The following MTMR12 variants were observed in gnomAD, a reference collection of about 807,000 sequenced individuals.
The protein encoded by MTMR12 is myotubularin-related protein 12.
A neutral mutation model predicts 96.7 loss-of-function variants in MTMR12; 33 were observed. That is an observed-to-expected ratio of 0.34 (90% confidence interval 0.26 to 0.46). MTMR12 has a LOEUF of 0.46. MTMR12 is among the 20% of genes least tolerant of loss of function. MTMR12 has a pLI of 1.00. For synonymous variants in MTMR12, 298 were observed against 327.2 expected (o/e 0.91, Z 0.96); for missense variants, 721 against 896.1 (o/e 0.80, Z 2.49).
At chr5:32,247,874 G>C in intron 10 of MTMR12, 128 bp downstream of exon 10, 1 of 1,399,464 alleles carries the variant, frequency 7.1e-7, no homozygotes, top group Admixed American at 2.4e-5. Flanking sequence ...CTGGCTCCAT[G>C]ACATCACAGC....
chr5:32,229,669 G>T lies in MTMR12; in HGVS notation c.*109C>A. ...CCGAAGGCCCAGGTTTATTCTAACG[G>T]AGTGCCGGGCTAAGGACCCAGCCAG... is the stretch of plus-strand genomic sequence containing the variant. On this transcript the variant is annotated 3_prime_UTR_variant, in exon 16 of 16. Transcript: ENST00000382142. 1 of 1,053,428 alleles carries T rather than the reference G, an allele frequency of 9.5e-7. No homozygotes were observed. Among genetic ancestry groups the T allele is most frequent in the Non-Finnish European group, 1.3e-6 (1 of 771,714 alleles). The allele number at this position is 1,053,428 out of a possible 1,614,324, so 65.3% of individuals were successfully genotyped here.
intron 10 of MTMR12, 160 bp downstream of exon 10, chr5:32,247,842 T>G: frequency 1.0e-6 from 1 of 967,474 alleles, no homozygotes; most frequent in Non-Finnish European, 1.2e-6. Context: ...GAGAGGGAAG[T>G]GTGGTAATGG....
intron 6 of MTMR12, among the ~76,000 whole-genome samples, chr5:32,267,846 T>G (rs1440142962): frequency 6.6e-6 from 1 of 152,166 alleles, no homozygotes; most frequent in Admixed American, 6.5e-5. Context: ...TTCCTTTTCT[T>G]TTTTTTGAGA....
intron 8 of MTMR12, among the ~76,000 whole-genome samples, chr5:32,254,185 G>A (rs1749054822): frequency 1.3e-5 from 2 of 152,168 alleles, no homozygotes; most frequent in African/African-American, 4.8e-5. Flanking sequence ...TAAAGCATCC[G>A]TTTTCGAAGT....
intron 1 of MTMR12, among the ~76,000 whole-genome samples, chr5:32,278,656 T>C (rs1211210394): frequency 1.3e-5 from 2 of 152,212 alleles, no homozygotes; most frequent in South Asian, 2.1e-4. Flanking sequence ...TGCGGACTTA[T>C]AGTGCAGGGA....
chr5:32,229,850 G>A lies in MTMR12; in HGVS notation c.2172C>T (p.Gly724=), dbSNP rs747607740. 1.2e-6 allele frequency: 2 copies of A among 1,600,946 alleles called. No homozygotes were observed. Among genetic ancestry groups the A allele is most frequent in the Admixed American group, 1.8e-5 (1 of 56,986 alleles). ...CGTCTTCATCTCCCAAAGCTTTCCA[G>A]CCACTGGTGGGTAAGACGGGCTTAG... ...HSSKPVLPTS[G]WKALGDEDDL... is the part of the protein sequence containing the mutation. The change falls in exon 16 of 16, where the codon GGC becomes GGT. Residue 724 remains glycine (G), a synonymous_variant. Transcript: ENST00000382142.
chr5:32,262,474 G>A (rs761106938), intron 7 of MTMR12, among the ~76,000 whole-genome samples: 5 of 151,932 alleles, frequency 3.3e-5, no homozygotes, highest in South Asian at 2.1e-4. Context: ...GGTGGTGCAC[G>A]CCTGTGGTCC....
In MTMR12 at chr5:32,268,700, C is replaced by G; in HGVS notation, c.583+1G>C. On this transcript the variant is annotated splice_donor_variant, in intron 6 of 15. Coordinates refer to ENST00000382142, the MANE Select transcript of MTMR12 (RefSeq NM_001040446.3). LOFTEE classifies it high-confidence loss of function. Reference sequence around the variant, plus strand: ...CAAATTAGAACCCAGAAGATATTTACCTGTATTGTTTTGTGCAGCAGTCGC... The same window carrying G: ...CAAATTAGAACCCAGAAGATATTTAGCTGTATTGTTTTGTGCAGCAGTCGC... 1 of 1,611,236 alleles carries G rather than the reference C, an allele frequency of 6.2e-7. No homozygotes were observed. The highest frequency in any genetic ancestry group is 1.3e-5 in the African/African-American group (1 of 74,964).
rs566191304 is a variant in MTMR12, at chr5:32,228,582, T to C, written c.*1196A>G. 6.7e-5 allele frequency: 8 copies of C among 119,610 alleles called. 1 individual carries two copies. The highest frequency in any genetic ancestry group is 2.4e-4 in the African/African-American group (7 of 28,888). The allele number at this position is 119,610 out of a possible 1,614,324, so 7.4% of individuals were successfully genotyped here. A position where few individuals can be genotyped will look rare whatever the true frequency, so the allele number is the denominator to read the frequency against. ...ATATATATATATCATATATATATCA[T>C]ATATATGTGATATATATATATATAT... is the stretch of plus-strand genomic sequence containing the variant. On this transcript the variant is annotated 3_prime_UTR_variant, in exon 16 of 16. Coordinates refer to ENST00000382142, the MANE Select transcript of MTMR12 (RefSeq NM_001040446.3).
intron 13 of MTMR12, 62 bp from the exon 14 acceptor site, chr5:32,235,191 AG>A: frequency 6.6e-7 from 1 of 1,506,336 alleles, no homozygotes. Flanking sequence ...TCCTGAGTTC[AG>A]GGGGCAGCCA....
chr5:32,291,404 T>C (rs896522242), intron 1 of MTMR12, among the ~76,000 whole-genome samples: 3 of 152,262 alleles, frequency 2.0e-5, no homozygotes, highest in Non-Finnish European at 4.4e-5. Context: ...CTGTAGCCAA[T>C]GGTTTGGCTG....
intron 8 of MTMR12, 105 bp from the exon 9 acceptor site, chr5:32,248,983 T>C (rs1376701532): frequency 2.4e-6 from 2 of 824,546 alleles, no homozygotes; most frequent in Admixed American, 1.9e-5. Flanking sequence ...AACTTCAGTA[T>C]GAAATGGCTG....
intron 5 of MTMR12, among the ~76,000 whole-genome samples, chr5:32,269,729 G>A (rs2112078714): frequency 6.6e-6 from 1 of 152,316 alleles, no homozygotes; most frequent in Non-Finnish European, 1.5e-5. Context: ...CCAAAACTCT[G>A]ACATGTCAAA....
At chr5:32,298,466 G>T (rs1020919423) in intron 1 of MTMR12, among the ~76,000 whole-genome samples, 1 of 152,120 alleles carries the variant, frequency 6.6e-6, no homozygotes, top group South Asian at 2.1e-4. Context: ...CCTCCTAGAA[G>T]CCCTTGAGAC....
chr5:32,305,619 C>A (rs1039765407), intron 1 of MTMR12, among the ~76,000 whole-genome samples: 9 of 152,108 alleles, frequency 5.9e-5, no homozygotes, highest in African/African-American at 2.2e-4. Context: ...TCTGGGATAC[C>A]GCGGCCGGGC....
Position 32,257,841 on chromosome 5 carries a change from A to AAT in MTMR12, c.714-2075_714-2074dup, listed in dbSNP as rs1749201221. ...GACTGGGCATGGTAGCTCACATTGT[A>AAT]ATATCACCTGAGTTCAGGAGTTCAA... On this transcript the variant is annotated intron_variant, in intron 7 of 15. Coordinates refer to ENST00000382142, the MANE Select transcript of MTMR12 (RefSeq NM_001040446.3). Among the ~76,000 whole-genome samples, 4 of 152,140 alleles carry AAT rather than the reference A, an allele frequency of 2.6e-5. 1 individual carries two copies. Among genetic ancestry groups the AAT allele is most frequent in the Admixed American group, 2.6e-4 (4 of 15,256 alleles).
rs759348451 is a variant in MTMR12 at position 32,228,580 on chromosome 5, CATAT to C, written c.*1194_*1197del. ...TGATATATATATATCATATATATAT[CATAT>C]ATATGTGATATATATATATATATCA... On this transcript the variant is annotated 3_prime_UTR_variant, in exon 16 of 16. Transcript: ENST00000382142. The C allele has an allele frequency of 1.8e-5, 2 of 111,662 alleles. No homozygotes were observed. Among genetic ancestry groups the C allele is most frequent in the African/African-American group, 4.2e-5 (1 of 23,700 alleles). The allele number at this position is 111,662 out of a possible 1,614,324, so 6.9% of individuals were successfully genotyped here.
chr5:32,267,848 T>C (rs1044735389), intron 6 of MTMR12, among the ~76,000 whole-genome samples: 3 of 152,210 alleles, frequency 2.0e-5, no homozygotes, highest in Admixed American at 6.5e-5. Flanking sequence ...CCTTTTCTTT[T>C]TTTTGAGACG....
intron 1 of MTMR12, among the ~76,000 whole-genome samples, chr5:32,303,146 T>C (rs905455477): frequency 2.6e-5 from 4 of 152,196 alleles, no homozygotes; most frequent in African/African-American, 9.6e-5. Flanking sequence ...TACATCTAAG[T>C]ATCCTGTGCT....
Sources: gnomAD v4.1 joint callset for allele counts (sites outside exome capture counted in the v4.1 genomes callset) on GRCh38, gnomAD v4.1.1 for gene constraint, MANE v1.5 for transcripts, NCBI Gene and HGNC (gene_info 2026-07-23, HGNC 2026-07-21) for gene names.